The following MARCHF8 variants were observed in gnomAD, a reference collection of about 807,000 sequenced individuals.
The protein encoded by MARCHF8 is E3 ubiquitin-protein ligase MARCHF8.
Under a neutral mutation model 51.6 loss-of-function variants are expected in MARCHF8, and 40 were observed. That is an observed-to-expected ratio of 0.77 (90% confidence interval 0.60 to 1.01). MARCHF8 has a LOEUF of 1.01. Among genes scored for constraint, MARCHF8 ranks in the 50% least tolerant of loss-of-function variants. The pLI, the probability that MARCHF8 is intolerant of heterozygous loss-of-function variation, is 0.00. For missense variants in MARCHF8, 685 were observed against 708.6 expected (o/e 0.97, Z 0.38); for synonymous variants, 263 against 280.3 (o/e 0.94, Z 0.62).
Position 45,463,889 on chromosome 10 carries a change from G to A in MARCHF8, c.350C>T (p.Thr117Ile). 2 of 1,536,978 alleles carry A rather than the reference G, an allele frequency of 1.3e-6. No individual in the cohort carries two copies. Among genetic ancestry groups the A allele is most frequent in the South Asian group, 2.4e-5 (2 of 84,058 alleles). ...QSSLTQGLTV[T>I]VICKDTLQAS... ...CTGTAATGTGTCCTTACAGATAACT[G>A]TCACAGTGAGCCCTTGTGTCAGAGA... is the stretch of plus-strand genomic sequence containing the variant. The change falls in exon 5 of 8, where the codon ACA (threonine) becomes ATA (isoleucine). Residue 117 changes from threonine to isoleucine, a missense_variant. By Grantham distance (89) the Thr-to-Ile change is moderately conservative. Coordinates refer to ENST00000453424, the MANE Select transcript of MARCHF8 (RefSeq NM_001282866.2).
At chr10:45,556,220 A>T (rs2044250179) in intron 1 of MARCHF8, among the ~76,000 whole-genome samples, 1 of 152,214 alleles carries the variant, frequency 6.6e-6, no homozygotes, top group Non-Finnish European at 1.5e-5. Flanking sequence ...AAACCTATCA[A>T]CCGAATGTAA....
chr10:45,552,078 G>A (rs2044202188), intron 1 of MARCHF8, among the ~76,000 whole-genome samples: 1 of 151,942 alleles, frequency 6.6e-6, no homozygotes, highest in South Asian at 2.1e-4. Flanking sequence ...ACAGAGCAGG[G>A]GTAAAAATAT....
intron 4 of MARCHF8, 71 bp from the exon 5 acceptor site, chr10:45,464,067 G>C (rs1305147606): frequency 2.7e-6 from 4 of 1,498,660 alleles, no homozygotes. Context: ...ACATCATAGT[G>C]AAGAAATGAG....
In MARCHF8 at chr10:45,566,248, T is replaced by C. The variant is rs114972761; in HGVS notation, c.-79+27987A>G. Among the ~76,000 whole-genome samples the C allele has an allele frequency of 6.7e-3, 1,028 of 152,334 alleles. 9 individuals are homozygous for C. The highest frequency in any genetic ancestry group is 0.024 in the African/African-American group (978 of 41,584). ...TACATCATGAAGAATAGGGTATCCA[T>C]ACCCTAAAGCGTTTATCCTCTGAGT... On this transcript the variant is annotated intron_variant, in intron 1 of 6. Transcript: ENST00000319836.
intron 7 of MARCHF8, 62 bp downstream of exon 7, chr10:45,459,058 C>G: frequency 6.2e-7 from 1 of 1,602,278 alleles, no homozygotes; most frequent in East Asian, 2.3e-5. Context: ...ATCCTCTGAC[C>G]CCAGGACTCC....
At chr10:45,538,264 T>C (rs1309016507), upstream of MARCHF8, among the ~76,000 whole-genome samples, 1 of 152,118 alleles carries the variant, frequency 6.6e-6, no homozygotes, top group Non-Finnish European at 1.5e-5. Flanking sequence ...GACAAGCAAA[T>C]GCTGAGAGAT....
At chr10:45,469,518 G>C (rs1449628921) in intron 3 of MARCHF8, among the ~76,000 whole-genome samples, 1 of 152,148 alleles carries the variant, frequency 6.6e-6, no homozygotes, top group Non-Finnish European at 1.5e-5. Flanking sequence ...AAAGTCTTTT[G>C]AGGTAATTTT....
intron 3 of MARCHF8, among the ~76,000 whole-genome samples, chr10:45,471,527 C>T (rs1249934540): frequency 5.3e-5 from 8 of 152,214 alleles, no homozygotes; most frequent in Non-Finnish European, 8.8e-5. Context: ...ACTTATCACT[C>T]ACAAGGACCC....
chr10:45,536,742 T>C (rs536686943), upstream of MARCHF8, among the ~76,000 whole-genome samples: 46 of 151,466 alleles, frequency 3.0e-4, no homozygotes, highest in Non-Finnish European at 7.4e-5. Flanking sequence ...ACGCCTATCA[T>C]CTCAGCATTT....
At chr10:45,543,797 CAAAAAAA>C (rs35514763) in intron 1 of MARCHF8, among the ~76,000 whole-genome samples, 6 of 49,728 alleles carry the variant, frequency 1.2e-4, no homozygotes, top group East Asian at 7.1e-4. Context: ...GACTCCGTCT[CAAAAAAA>C]AAAAAAAAAA....
chr10:45,516,065 C>A (rs995479095), intron 2 of MARCHF8, among the ~76,000 whole-genome samples: 1 of 152,178 alleles, frequency 6.6e-6, no homozygotes, highest in Non-Finnish European at 1.5e-5. Flanking sequence ...ACTCCCCTAC[C>A]CCATCCCATG....
upstream of MARCHF8, among the ~76,000 whole-genome samples, chr10:45,536,755 G>C (rs1169170365): frequency 6.6e-6 from 1 of 150,890 alleles, no homozygotes; most frequent in East Asian, 1.9e-4. Context: ...CAGCATTTTC[G>C]GAGGCTGAGG....
chr10:45,485,450 G>A (rs944232705), intron 3 of MARCHF8, among the ~76,000 whole-genome samples: 1 of 152,108 alleles, frequency 6.6e-6, no homozygotes, highest in African/African-American at 2.4e-5. Flanking sequence ...CATTGTAATT[G>A]CTTAAATATC....
Position 45,459,202 on chromosome 10 carries a change from G to A in MARCHF8, c.1335C>T (p.Val445=). The A allele has an allele frequency of 6.2e-7, 1 of 1,614,106 alleles. No homozygotes were observed. The highest frequency in any genetic ancestry group is 1.6e-4 in the Middle Eastern group (1 of 6,062). Residue 445 remains valine, a synonymous_variant, in exon 7 of 8, where the codon GTC becomes GTT. Transcript: ENST00000453424. ...RKIMCSVTFH[V]IAITCVVWSL... Reference sequence around the variant, plus strand: ...ACCAGACCACACATGTGATGGCAATGACGTGGAATGTCACTGAGCACATGA... The same window carrying A: ...ACCAGACCACACATGTGATGGCAATAACGTGGAATGTCACTGAGCACATGA...
chr10:45,512,045 G>A (rs1235982133), intron 2 of MARCHF8, among the ~76,000 whole-genome samples: 2 of 150,258 alleles, frequency 1.3e-5, no homozygotes, highest in African/African-American at 4.9e-5. Flanking sequence ...GAAGTAAGGA[G>A]CGTCTCTGCC....
In MARCHF8 at chr10:45,571,109, T is replaced by C. The variant is rs147626820; in HGVS notation, c.-79+23126A>G. Among the ~76,000 whole-genome samples, 263 of 152,212 alleles carry C rather than the reference T, an allele frequency of 1.7e-3. 3 individuals carry two copies. The highest frequency in any genetic ancestry group is 5.3e-3 in the African/African-American group (218 of 41,514). ...AAAGTATATGAAATATGAAAGTATATGAAAATTCAAAAGACCTAGAACGGC... is the reference window on the plus strand; with the variant it reads ...AAAGTATATGAAATATGAAAGTATACGAAAATTCAAAAGACCTAGAACGGC... On this transcript the variant is annotated intron_variant, in intron 1 of 6. Coordinates refer to the MARCHF8 transcript ENST00000319836.
chr10:45,532,417 T>G (rs1009720946), intron 2 of MARCHF8, among the ~76,000 whole-genome samples: 2 of 152,248 alleles, frequency 1.3e-5, no homozygotes, highest in African/African-American at 4.8e-5. Flanking sequence ...CACAAAACTT[T>G]TATGCCAGAA....
chr10:45,491,411 G>T (rs555126517), intron 2 of MARCHF8, among the ~76,000 whole-genome samples: 2 of 152,206 alleles, frequency 1.3e-5, no homozygotes, highest in South Asian at 4.1e-4. Flanking sequence ...GGTGGCACGT[G>T]CCTATAATCC....
At chr10:45,508,801 A>C (rs2043437644) in intron 2 of MARCHF8, among the ~76,000 whole-genome samples, 1 of 152,192 alleles carries the variant, frequency 6.6e-6, no homozygotes, top group Non-Finnish European at 1.5e-5. Flanking sequence ...CTTTAACTAT[A>C]GAGTTCATTA....
Sources: gnomAD v4.1 joint callset for allele counts (sites outside exome capture counted in the v4.1 genomes callset) on GRCh38, gnomAD v4.1.1 for gene constraint, MANE v1.5 for transcripts, NCBI Gene and HGNC (gene_info 2026-07-23, HGNC 2026-07-21) for gene names.